The following VPS8 variants were observed in gnomAD, a reference collection of about 807,000 sequenced individuals.
VPS8 encodes VPS8 subunit of CORVET complex.
VPS8 carries 129 observed loss-of-function variants against 216.4 expected under a neutral mutation model. That is an observed-to-expected ratio of 0.60 (90% CI 0.52 to 0.69). The LOEUF is 0.69. VPS8 is among the 30% of genes least tolerant of loss of function. VPS8 has a pLI of 0.00. For synonymous variants in VPS8, 571 were observed against 565.4 expected (o/e 1.01, Z -0.14); for missense variants, 1,531 against 1,683.5 (o/e 0.91, Z 1.59).
intron 45 of VPS8, among the ~76,000 whole-genome samples, chr3:185,023,784 A>G (rs1756980442): frequency 6.6e-6 from 1 of 152,208 alleles, no homozygotes; most frequent in Non-Finnish European, 1.5e-5. Flanking sequence ...GCATGTAGTC[A>G]GGTCTTTTTC....
At chr3:184,865,468 A>G (rs897043369) in intron 16 of VPS8, among the ~76,000 whole-genome samples, 2 of 152,238 alleles carry the variant, frequency 1.3e-5, no homozygotes, top group African/African-American at 4.8e-5. Context: ...AAGATTTAGA[A>G]GTGGACAGTG....
intron 28 of VPS8, chr3:184,919,251 G>A (rs975546625): frequency 4.1e-4 from 63 of 152,296 alleles, no homozygotes; most frequent in African/African-American, 1.5e-3. Context: ...CTGGGACAAT[G>A]CGTAGTTCAT....
At chr3:185,011,017 A>G (rs1577148606) in intron 45 of VPS8, among the ~76,000 whole-genome samples, 1 of 152,078 alleles carries the variant, frequency 6.6e-6, no homozygotes. Context: ...AAAAAAGAAA[A>G]AGAAATGAAT....
chr3:184,965,608 G>A (rs1228230279), intron 38 of VPS8, among the ~76,000 whole-genome samples: 2 of 152,214 alleles, frequency 1.3e-5, no homozygotes, highest in African/African-American at 2.4e-5. Flanking sequence ...GACAGATTTT[G>A]TTGGACACGC....
chr3:184,815,068 C>T lies in VPS8; in HGVS notation c.-89+2843C>T, dbSNP rs181478127. Among the ~76,000 whole-genome samples, 76 of 152,108 alleles carry T rather than the reference C, an allele frequency of 5.0e-4. 1 individual carries two copies. Among genetic ancestry groups the T allele is most frequent in the Non-Finnish European group, 3.5e-4 (24 of 67,988 alleles). On this transcript the variant is annotated intron_variant, in intron 1 of 47. Transcript: ENST00000625842. ...GGCCTACACAGAGTCAGGAAGGTCCCGGTGGAATGTCTTTAGAGGCAGTAA... is the reference window on the plus strand; with the variant it reads ...GGCCTACACAGAGTCAGGAAGGTCCTGGTGGAATGTCTTTAGAGGCAGTAA...
intron 25 of VPS8, among the ~76,000 whole-genome samples, chr3:184,906,919 A>T (rs1338009643): frequency 3.3e-5 from 5 of 152,180 alleles, no homozygotes; most frequent in Non-Finnish European, 5.9e-5. Flanking sequence ...ACATAATATC[A>T]GAGTAGAGCC....
chr3:184,894,987 TA>T (rs1382638472), intron 23 of VPS8, 62 bp downstream of exon 23: 1 of 1,392,360 alleles, frequency 7.2e-7, no homozygotes. Flanking sequence ...TGATAACACT[TA>T]CTTCACTGAT....
At chr3:184,899,426 G>C (rs909456705) in intron 24 of VPS8, among the ~76,000 whole-genome samples, 1 of 152,180 alleles carries the variant, frequency 6.6e-6, no homozygotes, top group Non-Finnish European at 1.5e-5. Flanking sequence ...TCTATGATAG[G>C]TAGGCTTCTT....
intron 1 of VPS8, among the ~76,000 whole-genome samples, chr3:184,819,128 G>A (rs1716985854): frequency 6.6e-6 from 1 of 151,950 alleles, no homozygotes. Context: ...TTTTTTAATG[G>A]TCCTTGAATC....
intron 42 of VPS8, among the ~76,000 whole-genome samples, chr3:184,992,615 T>C (rs1752046286): frequency 6.6e-6 from 1 of 152,154 alleles, no homozygotes; most frequent in South Asian, 2.1e-4. Context: ...AGTACTGTAC[T>C]TGGCATATGC....
chr3:184,940,309 A>G (rs1314712172), intron 36 of VPS8, 66 bp downstream of exon 36: 4 of 682,442 alleles, frequency 5.9e-6, no homozygotes, highest in East Asian at 4.9e-5. Context: ...AAGGAAATAA[A>G]TAAAGTTACC....
intron 25 of VPS8, 123 bp downstream of exon 25, chr3:184,901,095 C>T: frequency 1.2e-6 from 1 of 827,572 alleles, no homozygotes; most frequent in Non-Finnish European, 2.0e-6. Context: ...AGTCATGTAA[C>T]ACCACCATAA....
Position 184,824,643 on chromosome 3 carries a change from A to C in VPS8, c.11A>C (p.Glu4Ala), listed in dbSNP as rs750631023. The C allele has an allele frequency of 1.2e-6, 2 of 1,613,770 alleles. No homozygotes were observed. The highest frequency in any genetic ancestry group is 2.2e-5 in the South Asian group (2 of 91,034). Residue 4 changes from glutamate to alanine, a missense_variant, in exon 2 of 48, where the codon GAA (glutamate) becomes GCA (alanine). By Grantham distance (107) the Glu-to-Ala change is moderately radical. Transcript: ENST00000625842. The part of the protein sequence containing the change: MEN[E>A]PDHENVEQSL... ...TTATTAGAAGTAAATATGGAAAATG[A>C]ACCAGACCATGAAAATGTGGAACAG... is the stretch of plus-strand genomic sequence containing the variant.
chr3:184,898,106 C>T (rs1733844212), intron 23 of VPS8, among the ~76,000 whole-genome samples: 1 of 151,598 alleles, frequency 6.6e-6, no homozygotes, highest in Non-Finnish European at 1.5e-5. Context: ...TGAGTATCTT[C>T]CCCAAGTCTT....
chr3:184,866,802 T>C, intron 16 of VPS8, 74 bp from the exon 17 acceptor site: 1 of 1,384,716 alleles, frequency 7.2e-7, no homozygotes, highest in Non-Finnish European at 1.0e-6. Flanking sequence ...TCATTAATAG[T>C]GATGAAATGT....
chr3:185,026,701 CTTTTTTTTTTTT>C (rs1165255623), intron 46 of VPS8, among the ~76,000 whole-genome samples: 29 of 85,964 alleles, frequency 3.4e-4, no homozygotes, highest in African/African-American at 1.1e-3. Flanking sequence ...GAGCCACTGT[CTTTTTTTTTTTT>C]TTTTTTTTTT....
intron 20 of VPS8, 102 bp downstream of exon 20, chr3:184,869,630 A>C: frequency 8.5e-7 from 1 of 1,178,150 alleles, no homozygotes; most frequent in East Asian, 2.4e-5. Flanking sequence ...ACAATCTAGA[A>C]GAGAGTGTAT....
chr3:184,905,606 A>G (rs1735350262), intron 25 of VPS8, among the ~76,000 whole-genome samples: 1 of 140,462 alleles, frequency 7.1e-6, no homozygotes, highest in African/African-American at 2.7e-5. Flanking sequence ...CTCTTTAGGT[A>G]GAAGCTCAGC....
chr3:185,033,663 G>A (rs934087993), intron 46 of VPS8, among the ~76,000 whole-genome samples: 2 of 152,176 alleles, frequency 1.3e-5, no homozygotes, highest in African/African-American at 2.4e-5. Context: ...TGGATTATAT[G>A]GTAAGACTAT....
Sources: gnomAD v4.1 joint callset for allele counts (sites outside exome capture counted in the v4.1 genomes callset) on GRCh38, gnomAD v4.1.1 for gene constraint, MANE v1.5 for transcripts, NCBI Gene and HGNC (gene_info 2026-07-23, HGNC 2026-07-21) for gene names.